The following SFSWAP variants were observed in gnomAD, a reference collection of about 807,000 sequenced individuals.
SFSWAP encodes the protein splicing factor, suppressor of white-apricot homolog.
In SFSWAP, 17 loss-of-function variants were observed where a neutral mutation model predicts 100.7. That is an observed-to-expected ratio of 0.17 (90% CI 0.12 to 0.25). The LOEUF is 0.25. Among genes scored for constraint, SFSWAP ranks in the 10% least tolerant of loss-of-function variants. SFSWAP has a pLI of 1.00. For synonymous variants in SFSWAP, 504 were observed against 510.1 expected (o/e 0.99, Z 0.16); for missense variants, 1,005 against 1,262.6 (o/e 0.80, Z 3.09).
rs749358655 is a variant in SFSWAP at position 131,726,925 on chromosome 12, T to C, written c.833-15T>C. On this transcript the variant is annotated splice_polypyrimidine_tract_variant and intron_variant, in intron 5 of 17. Transcript: ENST00000261674. ...CACCAAACACCAAAATCTTGAAATG[T>C]GATTTTGATTTCAGAATCAGGAGTC... 4 of 1,464,250 alleles carry C rather than the reference T, an allele frequency of 2.7e-6. No homozygotes were observed. The Admixed American group carries it at 7.2e-5, about 26-fold the overall frequency. 90.7% of individuals were successfully genotyped at this position (1,464,250 alleles called of 1,614,324 possible). A position where few individuals can be genotyped will look rare whatever the true frequency, so the allele number is the denominator to read the frequency against.
At chr12:131,716,085 T>C (rs927360596) in intron 3 of SFSWAP, among the ~76,000 whole-genome samples, 4 of 152,236 alleles carry the variant, frequency 2.6e-5, no homozygotes, top group Admixed American at 6.5e-5. Context: ...ATCCTGTGAC[T>C]GCACTATGGT....
At chr12:131,789,316 A>G (rs985660432) in intron 15 of SFSWAP, among the ~76,000 whole-genome samples, 1 of 152,110 alleles carries the variant, frequency 6.6e-6, no homozygotes, top group Admixed American at 6.6e-5. Flanking sequence ...TGATTCTTTC[A>G]CTGACTTCTC....
intron 13 of SFSWAP, among the ~76,000 whole-genome samples, chr12:131,769,441 C>T (rs576552754): frequency 9.7e-4 from 147 of 152,250 alleles, no homozygotes; most frequent in African/African-American, 3.4e-3. Context: ...CATTACATGA[C>T]TATACGTGTA....
At chr12:131,774,264 C>T (rs1883839428) in intron 13 of SFSWAP, among the ~76,000 whole-genome samples, 1 of 152,164 alleles carries the variant, frequency 6.6e-6, no homozygotes, top group Non-Finnish European at 1.5e-5. Context: ...AATGTAGTGT[C>T]CTTCACAAAT....
At chr12:131,740,251 C>G (rs1367327188) in intron 7 of SFSWAP, among the ~76,000 whole-genome samples, 1 of 152,110 alleles carries the variant, frequency 6.6e-6, no homozygotes, top group Non-Finnish European at 1.5e-5. Flanking sequence ...TCTCAGCTGC[C>G]TTTTAACATA....
At chr12:131,716,398 C>T (rs1174459222) in intron 3 of SFSWAP, among the ~76,000 whole-genome samples, 2 of 152,224 alleles carry the variant, frequency 1.3e-5, no homozygotes, top group Non-Finnish European at 2.9e-5. Flanking sequence ...AAAACGTAAA[C>T]ACCCATTTAT....
At position 131,792,451 on chromosome 12, in the gene SFSWAP, G is replaced by A. The variant is rs370093934; in HGVS notation, c.2535-4727G>A. On this transcript the variant is annotated intron_variant, in intron 15 of 17. Coordinates refer to ENST00000261674, the MANE Select transcript of SFSWAP (RefSeq NM_004592.4). Reference sequence around the variant, plus strand: ...CAGTACTGTGTGTGCATATGTGTGTGTTCACAGATCAGTACTGTGTGTGCA... The same window carrying A: ...CAGTACTGTGTGTGCATATGTGTGTATTCACAGATCAGTACTGTGTGTGCA... Among the ~76,000 whole-genome samples, 44 of 140,768 alleles carry A rather than the reference G, an allele frequency of 3.1e-4. 1 individual carries two copies. The highest frequency in any genetic ancestry group is 9.4e-4 in the African/African-American group (34 of 36,322). 92.3% of individuals were successfully genotyped at this position (140,768 alleles called of 152,430 possible). A position where few individuals can be genotyped will look rare whatever the true frequency, so the allele number is the denominator to read the frequency against.
At chr12:131,764,304 G>A (rs1488545981) in intron 11 of SFSWAP, 152 bp from the exon 12 acceptor site, 5 of 646,392 alleles carry the variant, frequency 7.7e-6, no homozygotes, top group African/African-American at 7.3e-5. Flanking sequence ...GGTCTGCTCT[G>A]ACGGCACGGC....
At chr12:131,785,108 C>G in intron 14 of SFSWAP, 1 of 1,535,638 alleles carries the variant, frequency 6.5e-7, no homozygotes, top group Admixed American at 2.0e-5. Context: ...CGCGCGGAGC[C>G]CTGTCAGAGC....
chr12:131,737,403 A>AT (rs994098525), intron 7 of SFSWAP, among the ~76,000 whole-genome samples: 17 of 152,224 alleles, frequency 1.1e-4, no homozygotes, highest in African/African-American at 3.9e-4. Context: ...CGCTGCTTGC[A>AT]TTTTTTCAGC....
chr12:131,786,631 GT>G, intron 15 of SFSWAP, 43 bp downstream of exon 15: 1 of 1,557,510 alleles, frequency 6.4e-7, no homozygotes, highest in Non-Finnish European at 8.7e-7. Context: ...TGTGGGCCAG[GT>G]TTCCCTGGGT....
At chr12:131,776,014 A>G (rs780383991) in intron 13 of SFSWAP, among the ~76,000 whole-genome samples, 1 of 152,132 alleles carries the variant, frequency 6.6e-6, no homozygotes, top group Non-Finnish European at 1.5e-5. Flanking sequence ...AGGCACAAGA[A>G]TCACTTGAGG....
chr12:131,725,709 G>C lies in SFSWAP; in HGVS notation c.832+79G>C, dbSNP rs111854409. 1.9e-6 allele frequency: 2 copies of C among 1,037,038 alleles called. No individual in the cohort carries two copies. The highest frequency in any genetic ancestry group is 3.2e-5 in the African/African-American group (2 of 62,884). 64.2% of individuals were successfully genotyped at this position (1,037,038 alleles called of 1,614,324 possible). A position where few individuals can be genotyped will look rare whatever the true frequency, so the allele number is the denominator to read the frequency against. On this transcript the variant is annotated intron_variant, in intron 5 of 17. Transcript: ENST00000261674. The surrounding 1 kb of genome is among the most constrained non-coding windows in gnomAD (Gnocchi z 4.3). ...GGCAGGCTGGGTGGTTCTGGGAAAAGTGTGAAGATACACATTCTTACAGAT... is the reference window on the plus strand; with the variant it reads ...GGCAGGCTGGGTGGTTCTGGGAAAACTGTGAAGATACACATTCTTACAGAT...
intron 4 of SFSWAP, among the ~76,000 whole-genome samples, chr12:131,723,042 A>G (rs1404562328): frequency 2.6e-5 from 4 of 152,246 alleles, no homozygotes; most frequent in African/African-American, 9.6e-5. Context: ...GCCCTAAGTT[A>G]CATGTGTGAG....
intron 11 of SFSWAP, among the ~76,000 whole-genome samples, chr12:131,759,194 A>G (rs1183471145): frequency 6.6e-6 from 1 of 152,248 alleles, no homozygotes; most frequent in Non-Finnish European, 1.5e-5. Context: ...TCAGTGAAAA[A>G]TATCGCTTTC....
chr12:131,787,277 A>G (rs1884961175), intron 15 of SFSWAP, among the ~76,000 whole-genome samples: 2 of 150,786 alleles, frequency 1.3e-5, no homozygotes, highest in Admixed American at 1.3e-4. Context: ...ACTTCAGGAA[A>G]TAGGTCCACC....
chr12:131,752,364 G>A (rs1055682900), intron 7 of SFSWAP, among the ~76,000 whole-genome samples: 2 of 152,188 alleles, frequency 1.3e-5, no homozygotes, highest in African/African-American at 2.4e-5. Context: ...TCTGTGATTC[G>A]TGGTTCTGAA....
chr12:131,764,618 C>A lies in SFSWAP; in HGVS notation c.1883C>A (p.Ala628Asp). 1 of 1,614,168 alleles carries A rather than the reference C, an allele frequency of 6.2e-7. No homozygotes were observed. The highest frequency in any genetic ancestry group is 8.5e-7 in the Non-Finnish European group (1 of 1,180,022). ...GCTGCAAACACTAACCCAGCAGTTG[C>A]CCCACCCTGTGTAGTTGTTGAGGAG... ...SSAANTNPAV[A>D]PPCVVVEEKK... Residue 628 changes from alanine (A) to aspartate (D), a missense_variant, in exon 12 of 18, where the codon GCC (alanine) becomes GAC (aspartate). Ala to Asp is a moderately radical substitution (Grantham distance 126, BLOSUM62 -2). Transcript: ENST00000261674.
At position 131,730,243 on chromosome 12, in the gene SFSWAP, G is replaced by A. The variant is rs1017418635; in HGVS notation, c.1081+1815G>A. The stretch of plus-strand genomic sequence containing the variant: ...AGCTCCCGCCCTGGAGTCATGGGGC[G>A]CTGTGCTCTGCCCAGGATGCCTGCC... On this transcript the variant is annotated intron_variant, in intron 7 of 17. Coordinates refer to ENST00000261674, the MANE Select transcript of SFSWAP (RefSeq NM_004592.4). This position sits in a 1 kb window ranked among gnomAD's most constrained non-coding sequence, Gnocchi z 4.0. 1.3e-5 allele frequency among the ~76,000 whole-genome samples: 2 copies of A among 152,228 alleles called. No homozygotes were observed. Among genetic ancestry groups the A allele is most frequent in the Non-Finnish European group, 2.9e-5 (2 of 68,042 alleles).
Sources: allele counts gnomAD v4.1 joint callset (sites outside exome capture counted in the v4.1 genomes callset), GRCh38; gene constraint gnomAD v4.1.1; non-coding constraint Gnocchi (gnomAD v3.1); transcripts MANE v1.5; gene names NCBI Gene and HGNC (gene_info 2026-07-23, HGNC 2026-07-21).